MAP3K19: variants seen among roughly 807,000 people sequenced by gnomAD.
MAP3K19 encodes the protein mitogen-activated protein kinase kinase kinase 19, also known as SPS1/STE20-related protein kinase YSK4.
MAP3K19 carries 91 observed loss-of-function variants against 114.4 expected under a neutral mutation model. The observed-to-expected ratio is 0.80, with a 90% CI of 0.67 to 0.95. The LOEUF (loss-of-function observed/expected upper bound fraction) is 0.95. Ranked by LOEUF, MAP3K19 falls within the 40% of genes least tolerant of loss-of-function variation. MAP3K19 has a pLI of 0.00. For synonymous variants in MAP3K19, 518 were observed against 530.5 expected (o/e 0.98, Z 0.32); for missense variants, 1,471 against 1,573.2 (o/e 0.94, Z 1.10).
At chr2:134,977,521 C>A (rs1684327436) in intron 12 of MAP3K19, among the ~76,000 whole-genome samples, 1 of 152,058 alleles carries the variant, frequency 6.6e-6, no homozygotes, top group South Asian at 2.1e-4. Flanking sequence ...TGCCACCACA[C>A]CCAGCTAATT....
chr2:135,005,346 A>G, intron 6 of MAP3K19, 89 bp downstream of exon 6: 1 of 996,798 alleles, frequency 1.0e-6, no homozygotes. Flanking sequence ...ATGTTGTTCA[A>G]ACTTCTACAA....
At chr2:135,030,741 AT>A (rs1688360937) in intron 2 of MAP3K19, among the ~76,000 whole-genome samples, 1 of 152,232 alleles carries the variant, frequency 6.6e-6, no homozygotes, top group Admixed American at 6.5e-5. Flanking sequence ...TTGAAGTTTT[AT>A]AACTGTCTAT....
chr2:135,024,824 C>T (rs2105379344), intron 3 of MAP3K19, 83 bp from the exon 4 acceptor site: 1 of 567,170 alleles, frequency 1.8e-6, no homozygotes, highest in South Asian at 2.5e-5. Flanking sequence ...GAAACATTTA[C>T]ATCAAATAAA....
intron 3 of MAP3K19, among the ~76,000 whole-genome samples, chr2:135,027,659 G>C (rs939251834): frequency 2.0e-5 from 3 of 152,184 alleles, no homozygotes; most frequent in East Asian, 1.9e-4. Context: ...ATGTTGGTTT[G>C]GGAAATTTAT....
chr2:135,046,736 A>T (rs889114820), intron 1 of MAP3K19, among the ~76,000 whole-genome samples: 2 of 152,200 alleles, frequency 1.3e-5, no homozygotes, highest in Non-Finnish European at 1.5e-5. Context: ...TGTACATTTG[A>T]TTTAGAACCT....
At chr2:134,968,752 G>C (rs1183011444) in intron 12 of MAP3K19, among the ~76,000 whole-genome samples, 1 of 151,672 alleles carries the variant, frequency 6.6e-6, no homozygotes, top group African/African-American at 2.4e-5. Context: ...TCAGACGATG[G>C]GCGGCCGGGC....
chr2:134,975,977 G>A (rs185925150), intron 12 of MAP3K19, among the ~76,000 whole-genome samples: 1 of 152,298 alleles, frequency 6.6e-6, no homozygotes, highest in African/African-American at 2.4e-5. Flanking sequence ...ACATGCTTTG[G>A]CTCCCTTTGT....
intron 12 of MAP3K19, among the ~76,000 whole-genome samples, chr2:134,977,327 G>A (rs545048387): frequency 2.0e-4 from 28 of 141,250 alleles, no homozygotes; most frequent in Non-Finnish European, 3.9e-4. Flanking sequence ...GACTACAGGT[G>A]TACACAACCA....
At chr2:135,015,623 A>G (rs1464375569) in intron 5 of MAP3K19, among the ~76,000 whole-genome samples, 1 of 152,144 alleles carries the variant, frequency 6.6e-6, no homozygotes, top group Non-Finnish European at 1.5e-5. Flanking sequence ...GGCCGGGCAC[A>G]GTGGCTCATG....
chr2:135,034,667 G>T (rs1162664501), intron 2 of MAP3K19, among the ~76,000 whole-genome samples: 2 of 138,870 alleles, frequency 1.4e-5, no homozygotes, highest in African/African-American at 5.7e-5. Flanking sequence ...AACCAGTCAG[G>T]CGTGGTGGCG....
chr2:135,015,128 T>A (rs1447754539), intron 5 of MAP3K19, among the ~76,000 whole-genome samples: 1 of 152,212 alleles, frequency 6.6e-6, no homozygotes, highest in African/African-American at 2.4e-5. Context: ...AAAGACAGCT[T>A]TCTAAATTAT....
rs780265929 is a variant in MAP3K19 at position 135,021,725 on chromosome 2, C to G, written c.128G>C (p.Ser43Thr). 2 of 1,606,858 alleles carry G rather than the reference C, an allele frequency of 1.2e-6. No homozygotes were observed. The highest frequency in any genetic ancestry group is 1.7e-6 in the Non-Finnish European group (2 of 1,174,726). ...AAGGGAGGCTCTTACCTCACTTCTG[C>G]TGATGCTTTGCAAGATGATGTTTTG... ...KNQNIILQSI[S>T]RSEEFDQDGD... Residue 43 changes from serine to threonine, a missense_variant, in exon 5 of 13, where the codon AGC becomes ACC. Transcript: ENST00000392915.
In MAP3K19 at chr2:135,047,000, G is replaced by A. The variant is rs537190078; in HGVS notation, c.-424+185C>T. The stretch of plus-strand genomic sequence containing the variant: ...GCCTGCATAAGTATTGGAGGAAATC[G>A]TCACAATATTTGAAAAGTAAAAAAT... On this transcript the variant is annotated intron_variant, in intron 1 of 12. Transcript: ENST00000392915. 1.0e-3 allele frequency among the ~76,000 whole-genome samples: 152 copies of A among 152,276 alleles called. 1 individual carries two copies. The highest frequency in any genetic ancestry group is 3.5e-3 in the African/African-American group (147 of 41,546).
intron 12 of MAP3K19, among the ~76,000 whole-genome samples, chr2:134,976,651 A>G (rs963395866): frequency 1.3e-5 from 2 of 152,148 alleles, no homozygotes; most frequent in Non-Finnish European, 2.9e-5. Context: ...TTTTGAAAGC[A>G]CAATGGCCAC....
intron 3 of MAP3K19, among the ~76,000 whole-genome samples, chr2:135,026,046 T>C (rs1220125435): frequency 6.6e-6 from 1 of 152,196 alleles, no homozygotes; most frequent in East Asian, 1.9e-4. Context: ...GCCACAGTAA[T>C]ATTCTCTTAT....
Position 134,987,338 on chromosome 2 carries a change from T to C in MAP3K19, c.1534A>G (p.Ile512Val). ...KPSLQTRKGTIHNNHSVNIPV... is the reference protein window; with the variant it reads ...KPSLQTRKGTVHNNHSVNIPV... ...ATGTTGACACTATGGTTGTTATGAA[T>C]GGTTCCCTTTCTTGTTTGGAGGCTT... The change falls in exon 10 of 13, where the codon ATT (isoleucine) becomes GTT (valine). Residue 512 changes from isoleucine to valine, a missense_variant. Ile to Val is a conservative substitution (Grantham distance 29). Coordinates refer to ENST00000392915, the MANE Select transcript of MAP3K19 (RefSeq NM_025052.5). The C allele has an allele frequency of 1.2e-6, 2 of 1,614,212 alleles. No homozygotes were observed. The highest frequency in any genetic ancestry group is 1.7e-6 in the Non-Finnish European group (2 of 1,180,038).
intron 12 of MAP3K19, among the ~76,000 whole-genome samples, chr2:134,973,216 A>G (rs1405950949): frequency 1.3e-5 from 2 of 152,140 alleles, no homozygotes; most frequent in East Asian, 3.8e-4. Flanking sequence ...CTTAATGTTG[A>G]GAGTGGGGTG....
At position 134,964,774 on chromosome 2, in the gene MAP3K19, T is replaced by A; in HGVS notation, c.*76A>T. ...TGAATTTTCAGTGGGGAAACAAAGA[T>A]CCCTTAGCCATCATTCCCCACAATT... On this transcript the variant is annotated 3_prime_UTR_variant, in exon 13 of 13. Coordinates refer to ENST00000392915, the MANE Select transcript of MAP3K19 (RefSeq NM_025052.5). 1 of 1,179,830 alleles carries A rather than the reference T, an allele frequency of 8.5e-7. No homozygotes were observed. The highest frequency in any genetic ancestry group is 1.3e-5 in the South Asian group (1 of 75,294). The allele number at this position is 1,179,830 out of a possible 1,614,324, so 73.1% of individuals were successfully genotyped here.
chr2:135,023,525 C>T (rs1270597223), intron 4 of MAP3K19: 1 of 533,444 alleles, frequency 1.9e-6, no homozygotes, highest in Non-Finnish European at 3.8e-6. Flanking sequence ...CCAATGTGCT[C>T]CCATTTTGTT....
Sources: gnomAD v4.1 joint callset for allele counts (sites outside exome capture counted in the v4.1 genomes callset) on GRCh38, gnomAD v4.1.1 for gene constraint, MANE v1.5 for transcripts, NCBI Gene and HGNC (gene_info 2026-07-23, HGNC 2026-07-21) for gene names.